The following MTUS1 variants were observed in gnomAD, a reference collection of about 807,000 sequenced individuals.
MTUS1 encodes microtubule-associated tumor suppressor 1.
Under a neutral mutation model 120.8 loss-of-function variants are expected in MTUS1, and 109 were observed. The observed-to-expected ratio is 0.90, with a 90% CI of 0.77 to 1.06. The LOEUF (loss-of-function observed/expected upper bound fraction) is 1.06. Among genes scored for constraint, MTUS1 ranks in the 50% least tolerant of loss-of-function variants. MTUS1 has a pLI of 0.00. For synonymous variants in MTUS1, 737 were observed against 550.5 expected, an observed-to-expected ratio of 1.34 and a Z score of -4.74; for missense variants, 2,210 against 1,486.3, an observed-to-expected ratio of 1.49 and a Z score of -8.01.
At chr8:17,656,891 C>T (rs1464078902) in intron 8 of MTUS1, among the ~76,000 whole-genome samples, 1 of 150,556 alleles carries the variant, frequency 6.6e-6, no homozygotes, top group Non-Finnish European at 1.5e-5. Context: ...AACCCTGTCT[C>T]TACTAAAAAT....
chr8:17,711,346 G>A (rs1821261452), intron 6 of MTUS1, among the ~76,000 whole-genome samples: 1 of 152,160 alleles, frequency 6.6e-6, no homozygotes, highest in Non-Finnish European at 1.5e-5. Context: ...TAGATCTTCT[G>A]GATGACTCGC....
At chr8:17,748,035 C>T (rs902470218) in intron 2 of MTUS1, 1 of 152,194 alleles carries the variant, frequency 6.6e-6, no homozygotes, top group South Asian at 2.1e-4. Flanking sequence ...TGGGTCCTTC[C>T]CACAACATGT....
At chr8:17,764,690 G>A (rs761655355) in intron 1 of MTUS1, among the ~76,000 whole-genome samples, 4 of 152,200 alleles carry the variant, frequency 2.6e-5, no homozygotes, top group Non-Finnish European at 4.4e-5. Flanking sequence ...AATCAAAGAC[G>A]CCACAGACGA....
intron 2 of MTUS1, among the ~76,000 whole-genome samples, chr8:17,749,739 A>C (rs2048044283): frequency 6.6e-6 from 1 of 151,914 alleles, no homozygotes; most frequent in South Asian, 2.1e-4. Context: ...CTCCACTTCC[A>C]GTTGTCTCTC....
At chr8:17,793,201 T>A (rs1003283392) in intron 1 of MTUS1, among the ~76,000 whole-genome samples, 2 of 152,206 alleles carry the variant, frequency 1.3e-5, no homozygotes, top group Non-Finnish European at 2.9e-5. Flanking sequence ...TATTTGCACA[T>A]GGGTATGCCA....
chr8:17,787,992 G>C (rs1261119413), intron 1 of MTUS1, among the ~76,000 whole-genome samples: 2 of 152,138 alleles, frequency 1.3e-5, no homozygotes, highest in East Asian at 1.9e-4. Context: ...GTGGTGGTGG[G>C]TGCCTGTAAT....
At chr8:17,762,098 G>T (rs537744801) in intron 1 of MTUS1, among the ~76,000 whole-genome samples, 1 of 152,212 alleles carries the variant, frequency 6.6e-6, no homozygotes, top group African/African-American at 2.4e-5. Context: ...TAGCCAACAT[G>T]GTGAAACCCC....
intron 1 of MTUS1, among the ~76,000 whole-genome samples, chr8:17,765,448 T>C (rs947741865): frequency 6.6e-6 from 1 of 151,822 alleles, no homozygotes; most frequent in Non-Finnish European, 1.5e-5. Flanking sequence ...TGCAAAACTC[T>C]TTCTCTACAA....
At position 17,684,310 on chromosome 8, in the gene MTUS1, T is replaced by C; in HGVS notation, c.2838+18A>G. 2 of 1,605,972 alleles carry C rather than the reference T, an allele frequency of 1.2e-6. No homozygotes were observed. Among genetic ancestry groups the C allele is most frequent in the Non-Finnish European group, 1.7e-6 (2 of 1,172,716 alleles). Reference sequence around the variant, plus strand: ...CGACCTCAAGTAGAAAGGCTCTTTCTAGGATGCACCTCCTTACCTCAGACA... The same window carrying C: ...CGACCTCAAGTAGAAAGGCTCTTTCCAGGATGCACCTCCTTACCTCAGACA... On this transcript the variant is annotated intron_variant, in intron 7 of 14. Coordinates refer to ENST00000693296, the MANE Select transcript of MTUS1 (RefSeq NM_001363059.2).
intron 3 of MTUS1, among the ~76,000 whole-genome samples, chr8:17,736,329 C>A (rs2046925188): frequency 1.3e-5 from 2 of 152,216 alleles, no homozygotes; most frequent in African/African-American, 4.8e-5. Context: ...CTCCTCCGCC[C>A]ATCCATGTCC....
chr8:17,776,678 C>CAAAA (rs71215272), intron 1 of MTUS1, among the ~76,000 whole-genome samples: 6 of 55,178 alleles, frequency 1.1e-4, no homozygotes, highest in Admixed American at 6.4e-4. Context: ...GACTCTGTCT[C>CAAAA]AAAAAAAAAA....
intron 2 of MTUS1, among the ~76,000 whole-genome samples, chr8:17,751,679 G>A (rs2048204366): frequency 6.6e-6 from 1 of 152,062 alleles, no homozygotes; most frequent in African/African-American, 2.4e-5. Flanking sequence ...ACAATATGGT[G>A]AAACCTCGTC....
In MTUS1 at chr8:17,728,815, A is replaced by T. The variant is rs1477600473; in HGVS notation, c.2288-4982T>A. 2.0e-5 allele frequency among the ~76,000 whole-genome samples: 3 copies of T among 152,122 alleles called. No individual in the cohort carries two copies. In the South Asian group the frequency reaches 6.2e-4, roughly 32 times the overall value. ...TCGGGGAGGGTGAGGCTTTTTTAGC[A>T]TTTACATCAGAACTTGATTGTGTGG... On this transcript the variant is annotated intron_variant, in intron 3 of 14. Transcript: ENST00000693296.
At chr8:17,763,578 C>CT (rs904229838) in intron 1 of MTUS1, among the ~76,000 whole-genome samples, 10 of 152,154 alleles carry the variant, frequency 6.6e-5, no homozygotes, top group African/African-American at 2.2e-4. Context: ...GGCCCGACCT[C>CT]TTTTTTTCTC....
intron 7 of MTUS1, among the ~76,000 whole-genome samples, chr8:17,683,235 G>A (rs534310810): frequency 3.2e-4 from 48 of 152,278 alleles, no homozygotes; most frequent in Admixed American, 9.8e-4. Context: ...TGGCGCCACT[G>A]CACTCCAGCC....
chr8:17,714,908 T>C (rs1822026222), intron 5 of MTUS1, among the ~76,000 whole-genome samples: 1 of 134,046 alleles, frequency 7.5e-6, no homozygotes, highest in African/African-American at 2.8e-5. Flanking sequence ...TTTTTTTTTT[T>C]TTTTTTTTTT....
chr8:17,779,221 G>C (rs2050688502), intron 1 of MTUS1, among the ~76,000 whole-genome samples: 2 of 152,276 alleles, frequency 1.3e-5, no homozygotes, highest in Non-Finnish European at 2.9e-5. Flanking sequence ...CATGTGACGG[G>C]TGGTTACAGT....
chr8:17,799,400 T>C (rs115036865), intron 1 of MTUS1, among the ~76,000 whole-genome samples: 2,831 of 152,208 alleles, frequency 0.019, 86 homozygotes, highest in African/African-American at 0.065. Flanking sequence ...TTAGATAAAC[T>C]ATATAACTAT....
chr8:17,707,729 G>A (rs931234325), intron 6 of MTUS1, among the ~76,000 whole-genome samples: 1 of 152,140 alleles, frequency 6.6e-6, no homozygotes, highest in African/African-American at 2.4e-5. Flanking sequence ...CTCACATCCT[G>A]ATTTCAAAAC....
Sources: allele counts gnomAD v4.1 joint callset (sites outside exome capture counted in the v4.1 genomes callset), GRCh38; gene constraint gnomAD v4.1.1; transcripts MANE v1.5; gene names NCBI Gene and HGNC (gene_info 2026-07-23, HGNC 2026-07-21).